The following FLT1 variants were observed in gnomAD, a reference collection of about 807,000 sequenced individuals.
FLT1 encodes vascular endothelial growth factor receptor 1.
A neutral mutation model predicts 156.3 loss-of-function variants in FLT1; 49 were observed. That is an observed-to-expected ratio of 0.31 (90% CI 0.25 to 0.40). FLT1 has a LOEUF of 0.40. Ranked by LOEUF, FLT1 falls within the 10% of genes least tolerant of loss-of-function variation. FLT1 has a pLI of 1.00. For missense variants in FLT1, 1,322 were observed against 1,637.2 expected (o/e 0.81, Z 3.32); for synonymous variants, 594 against 583.8 (o/e 1.02, Z -0.25).
chr13:28,370,844 G>A (rs1873525935), intron 14 of FLT1, among the ~76,000 whole-genome samples: 2 of 152,196 alleles, frequency 1.3e-5, no homozygotes, highest in African/African-American at 4.8e-5. Flanking sequence ...GGATCCATTA[G>A]TCCCGAAGAA....
At chr13:28,401,433 T>G (rs1036159627) in intron 11 of FLT1, among the ~76,000 whole-genome samples, 1 of 152,186 alleles carries the variant, frequency 6.6e-6, no homozygotes, top group Non-Finnish European at 1.5e-5. Context: ...TTTGGAGTTT[T>G]TCATGTTCCT....
chr13:28,356,934 T>A (rs941104131), intron 15 of FLT1, among the ~76,000 whole-genome samples: 1 of 152,192 alleles, frequency 6.6e-6, no homozygotes, highest in Non-Finnish European at 1.5e-5. Flanking sequence ...ATAGCCAGGG[T>A]AGGATTAGGC....
intron 15 of FLT1, among the ~76,000 whole-genome samples, chr13:28,348,904 GA>G: frequency 6.7e-6 from 1 of 148,406 alleles, no homozygotes; most frequent in South Asian, 2.1e-4. Flanking sequence ...GCTACAGAGC[GA>G]GACTCCGTCT....
rs144590306 is a variant in FLT1 at position 28,448,627 on chromosome 13, C to T, written c.389-10282G>A. ...GGGGATAAGGGGTGATAGCTAAAGG[C>T]TATGGAGTTTATTTTGAGACAATGA... On this transcript the variant is annotated intron_variant, in intron 3 of 29. Coordinates refer to ENST00000282397, the MANE Select transcript of FLT1 (RefSeq NM_002019.4). Among the ~76,000 whole-genome samples the T allele has an allele frequency of 6.6e-3, 1,001 of 152,188 alleles. 10 individuals are homozygous for T. Among genetic ancestry groups the T allele is most frequent in the African/African-American group, 0.022 (905 of 41,522 alleles).
chr13:28,447,275 C>T (rs142567019), intron 3 of FLT1, among the ~76,000 whole-genome samples: 2,312 of 151,612 alleles, frequency 0.015, 53 homozygotes, highest in African/African-American at 0.05. Context: ...ACATCCCAGG[C>T]GCAAGTGATG....
intron 25 of FLT1, among the ~76,000 whole-genome samples, chr13:28,314,440 A>G (rs761000839): frequency 1.2e-4 from 19 of 152,230 alleles, no homozygotes; most frequent in Non-Finnish European, 2.2e-4. Context: ...TCCCTTATTG[A>G]AAGACATCTG....
rs116823767 is a variant in FLT1 at position 28,435,849 on chromosome 13, C to T, written c.514-1629G>A. Among the ~76,000 whole-genome samples, 545 of 152,274 alleles carry T rather than the reference C, an allele frequency of 3.6e-3. 4 individuals carry two copies. Among genetic ancestry groups the T allele is most frequent in the African/African-American group, 0.013 (528 of 41,532 alleles). On this transcript the variant is annotated intron_variant, in intron 4 of 29. Transcript: ENST00000282397. Reference sequence around the variant, plus strand: ...CATGTTTCAGTAAATCAAGGTGCTACCTGTAAACTCAGGAATGCAGTCGGT... The same window carrying T: ...CATGTTTCAGTAAATCAAGGTGCTATCTGTAAACTCAGGAATGCAGTCGGT...
chr13:28,424,436 T>C (rs1877219789), intron 10 of FLT1, among the ~76,000 whole-genome samples: 2 of 152,190 alleles, frequency 1.3e-5, no homozygotes, highest in South Asian at 2.1e-4. Context: ...CTCGCCTTCA[T>C]AGCATATTTT....
chr13:28,397,039 A>G lies in FLT1; in HGVS notation c.1581T>C (p.Ser527=). The change falls in exon 12 of 30, where the codon TCT becomes TCC. Residue 527 remains serine (S), a synonymous_variant. Transcript: ENST00000282397. ...TGCAAATGTAGATTCCAGAAATTCT[A>G]GAGTCAGCCACAACCAAGGTGCTAG... ...KMASTLVVAD[S]RISGIYICIA... 1 of 1,613,714 alleles carries G rather than the reference A, an allele frequency of 6.2e-7. No individual in the cohort carries two copies. Among genetic ancestry groups the G allele is most frequent in the Non-Finnish European group, 8.5e-7 (1 of 1,179,640 alleles).
intron 12 of FLT1, among the ~76,000 whole-genome samples, chr13:28,393,417 A>G (rs1242056146): frequency 6.6e-6 from 1 of 152,194 alleles, no homozygotes; most frequent in African/African-American, 2.4e-5. Flanking sequence ...TGGAAATATT[A>G]CTTAAAAAGA....
At chr13:28,446,300 C>T (rs1219754891) in intron 3 of FLT1, among the ~76,000 whole-genome samples, 7 of 152,126 alleles carry the variant, frequency 4.6e-5, no homozygotes, top group Admixed American at 1.3e-4. Flanking sequence ...CTAGAGGTTC[C>T]AGACAGAGCA....
At chr13:28,458,583 C>T (rs866837015) in intron 3 of FLT1, among the ~76,000 whole-genome samples, 2 of 152,210 alleles carry the variant, frequency 1.3e-5, no homozygotes, top group African/African-American at 4.8e-5. Flanking sequence ...AGAGAAGATG[C>T]ATTTGTTCCT....
At chr13:28,390,171 G>C in intron 12 of FLT1, 67 bp from the exon 13 acceptor site, 3 of 1,584,828 alleles carry the variant, frequency 1.9e-6, no homozygotes, top group Non-Finnish European at 2.6e-6. Flanking sequence ...GATATTCAAA[G>C]ATCTTAAGAA....
At chr13:28,479,407 A>G (rs981400094) in intron 1 of FLT1, among the ~76,000 whole-genome samples, 9 of 152,180 alleles carry the variant, frequency 5.9e-5, no homozygotes, top group Admixed American at 5.9e-4. Flanking sequence ...CATGTTGATT[A>G]AACTGTTATT....
At chr13:28,445,982 G>T (rs907428780) in intron 3 of FLT1, among the ~76,000 whole-genome samples, 3 of 151,952 alleles carry the variant, frequency 2.0e-5, no homozygotes, top group African/African-American at 7.2e-5. Context: ...TTTTTTTCAG[G>T]AATGCAAGAT....
chr13:28,363,933 G>T (rs946534447), intron 14 of FLT1, among the ~76,000 whole-genome samples: 21 of 152,080 alleles, frequency 1.4e-4, no homozygotes, highest in African/African-American at 4.6e-4. Flanking sequence ...ATGGCAAAAT[G>T]ATTGATGTGA....
At chr13:28,412,346 CTTTCTCTTTCTTTCTTTCTT>C (rs1876284977) in intron 10 of FLT1, among the ~76,000 whole-genome samples, 5 of 58,424 alleles carry the variant, frequency 8.6e-5, no homozygotes, top group Admixed American at 2.5e-4. Context: ...TTCTTTCTTT[CTTTCTCTTTCTTTCTTTCTT>C]TCTTTCTTTC....
At chr13:28,305,090 T>C (rs1593664225) in intron 29 of FLT1, among the ~76,000 whole-genome samples, 1 of 152,218 alleles carries the variant, frequency 6.6e-6, no homozygotes, top group Non-Finnish European at 1.5e-5. Context: ...TTTAACCTTA[T>C]GGGCAACAGC....
chr13:28,489,641 C>T (rs769643490), intron 1 of FLT1, among the ~76,000 whole-genome samples: 27 of 152,050 alleles, frequency 1.8e-4, no homozygotes, highest in Non-Finnish European at 2.4e-4. Flanking sequence ...TGCAGGCAGA[C>T]GAGCAGCATG....
Sources: allele counts gnomAD v4.1 joint callset (sites outside exome capture counted in the v4.1 genomes callset), GRCh38; gene constraint gnomAD v4.1.1; transcripts MANE v1.5; gene names NCBI Gene and HGNC (gene_info 2026-07-23, HGNC 2026-07-21).